The following AAK1 variants were observed in gnomAD, a reference collection of about 807,000 sequenced individuals.
The protein encoded by AAK1 is AP2 associated kinase 1.
AAK1 carries 37 observed loss-of-function variants against 116.0 expected under a neutral mutation model. The observed-to-expected ratio is 0.32, with a 90% CI of 0.25 to 0.42. AAK1 has a LOEUF of 0.42. Ranked by LOEUF, AAK1 falls within the 10% of genes least tolerant of loss-of-function variation. The probability of loss-of-function intolerance (pLI) is 1.00; values close to 1 mark genes in which losing one functional copy is unlikely to be tolerated. For synonymous variants in AAK1, 458 were observed against 439.9 expected, an observed-to-expected ratio of 1.04 and a Z score of -0.51; for missense variants, 919 against 1,170.6, an observed-to-expected ratio of 0.79 and a Z score of 3.14.
intron 16 of AAK1, among the ~76,000 whole-genome samples, chr2:69,502,587 C>T (rs1300533019): frequency 6.6e-6 from 1 of 152,086 alleles, no homozygotes; most frequent in Non-Finnish European, 1.5e-5. Context: ...TGCCATTGCA[C>T]TCCAGCCTGG....
intron 2 of AAK1, among the ~76,000 whole-genome samples, chr2:69,611,155 C>T (rs1390883095): frequency 2.6e-5 from 4 of 152,126 alleles, no homozygotes; most frequent in Non-Finnish European, 4.4e-5. Context: ...TGGTGGACTA[C>T]GAGGGGGAGA....
chr2:69,517,669 G>A (rs945526429), intron 12 of AAK1, among the ~76,000 whole-genome samples: 6 of 151,338 alleles, frequency 4.0e-5, no homozygotes, highest in Admixed American at 1.3e-4. Flanking sequence ...CACGGAAGAC[G>A]GTCAGACACA....
At chr2:69,541,649 A>C (rs1277143836) in intron 5 of AAK1, among the ~76,000 whole-genome samples, 1 of 152,224 alleles carries the variant, frequency 6.6e-6, no homozygotes, top group Non-Finnish European at 1.5e-5. Flanking sequence ...AAACCTTTAG[A>C]GTATACAAAA....
Position 69,474,704 on chromosome 2 carries a change from C to T in AAK1, c.*1165G>A. On this transcript the variant is annotated 3_prime_UTR_variant, in exon 22 of 22. Coordinates refer to ENST00000409085, the MANE Select transcript of AAK1 (RefSeq NM_014911.5). ...TCTGAAAATAAACAACATGCTTATT[C>T]TAGAGACAGAGGACCTGCTGAAAGC... 2 of 985,738 alleles carry T rather than the reference C, an allele frequency of 2.0e-6. No homozygotes were observed. Among genetic ancestry groups the T allele is most frequent in the South Asian group, 4.7e-5 (1 of 21,278 alleles). 61.1% of individuals were successfully genotyped at this position (985,738 alleles called of 1,614,324 possible). A position where few individuals can be genotyped will look rare whatever the true frequency, so the allele number is the denominator to read the frequency against.
intron 17 of AAK1, among the ~76,000 whole-genome samples, chr2:69,486,327 T>G (rs1675300586): frequency 6.6e-6 from 1 of 152,054 alleles, no homozygotes; most frequent in Admixed American, 6.6e-5. Flanking sequence ...AGTACATGAG[T>G]GTACACGTGT....
At position 69,643,718 on chromosome 2, in the gene AAK1, C is replaced by G. The variant is rs1315523250; in HGVS notation, c.-378G>C. 4.9e-6 allele frequency: 6 copies of G among 1,212,228 alleles called. No individual in the cohort carries two copies. The African/African-American group carries it at 9.4e-5, about 19-fold the overall frequency. The allele number at this position is 1,212,228 out of a possible 1,614,324, so 75.1% of individuals were successfully genotyped here. ...GCTCCCGCCCGCCCGCCAGCTGATCCCGGGAGCGCCGGGCGGAGACTGACC... is the reference window on the plus strand; with the variant it reads ...GCTCCCGCCCGCCCGCCAGCTGATCGCGGGAGCGCCGGGCGGAGACTGACC... On this transcript the variant is annotated 5_prime_UTR_variant, in exon 1 of 22. Coordinates refer to ENST00000409085, the MANE Select transcript of AAK1 (RefSeq NM_014911.5).
At chr2:69,612,204 A>T (rs1469258584) in intron 2 of AAK1, among the ~76,000 whole-genome samples, 2 of 151,838 alleles carry the variant, frequency 1.3e-5, no homozygotes, top group African/African-American at 2.4e-5. Context: ...TTCATCTGTT[A>T]GAGAGAAAAA....
chr2:69,588,330 C>A lies in AAK1; in HGVS notation c.164-31352G>T, dbSNP rs545842065. On this transcript the variant is annotated intron_variant, in intron 2 of 21. Coordinates refer to ENST00000409085, the MANE Select transcript of AAK1 (RefSeq NM_014911.5). Reference sequence around the variant, plus strand: ...TAAGGCCCATCAGGTGGGTACCTGACATCACCTGCACCTTCAGAAAAACTC... The same window carrying A: ...TAAGGCCCATCAGGTGGGTACCTGAAATCACCTGCACCTTCAGAAAAACTC... 2.0e-5 allele frequency among the ~76,000 whole-genome samples: 3 copies of A among 152,328 alleles called. No homozygotes were observed. The South Asian group carries it at 6.2e-4, about 32-fold the overall frequency.
Position 69,470,071 on chromosome 2 carries a change from G to A in AAK1, c.*5798C>T. Reference sequence around the variant, plus strand: ...CTGATTGACATAGTGAGGGCCATCAGAATGCTCCCTACAGAATTAAAATCT... The same window carrying A: ...CTGATTGACATAGTGAGGGCCATCAAAATGCTCCCTACAGAATTAAAATCT... On this transcript the variant is annotated 3_prime_UTR_variant, in exon 22 of 22. Coordinates refer to ENST00000409085, the MANE Select transcript of AAK1 (RefSeq NM_014911.5). The A allele has an allele frequency of 1.0e-6, 1 of 985,408 alleles. No homozygotes were observed. The highest frequency in any genetic ancestry group is 1.2e-6 in the Non-Finnish European group (1 of 829,932). The allele number at this position is 985,408 out of a possible 1,614,324, so 61.0% of individuals were successfully genotyped here.
intron 10 of AAK1, among the ~76,000 whole-genome samples, chr2:69,523,104 A>G (rs779188941): frequency 5.9e-5 from 9 of 152,314 alleles, no homozygotes; most frequent in Non-Finnish European, 1.0e-4. Context: ...GTAACTGTCA[A>G]TCTGTTTTAT....
chr2:69,571,588 G>A (rs961098897), intron 2 of AAK1, among the ~76,000 whole-genome samples: 2 of 152,206 alleles, frequency 1.3e-5, no homozygotes, highest in Middle Eastern at 3.4e-3. Context: ...AATAATATGA[G>A]TTTCAATAAT....
intron 17 of AAK1, among the ~76,000 whole-genome samples, chr2:69,485,658 TC>T (rs1250426589): frequency 3.3e-5 from 5 of 150,568 alleles, no homozygotes; most frequent in African/African-American, 1.2e-4. Flanking sequence ...AGAAAATCTC[TC>T]TTTTTTTTTT....
chr2:69,610,227 A>C (rs142398679), intron 2 of AAK1, among the ~76,000 whole-genome samples: 242 of 152,296 alleles, frequency 1.6e-3, no homozygotes, highest in Non-Finnish European at 3.1e-3. Context: ...ATGATTTTTC[A>C]GCAAGCGTGC....
intron 2 of AAK1, among the ~76,000 whole-genome samples, chr2:69,611,244 A>C (rs1250080170): frequency 6.6e-6 from 1 of 152,204 alleles, no homozygotes; most frequent in Admixed American, 6.5e-5. Context: ...GGGGATAAAT[A>C]GCCTGCAGAG....
chr2:69,477,737 A>G (rs1017312617), intron 20 of AAK1, among the ~76,000 whole-genome samples: 2 of 152,242 alleles, frequency 1.3e-5, no homozygotes, highest in Non-Finnish European at 2.9e-5. Context: ...TACATAATCT[A>G]TAAAAACATA....
intron 16 of AAK1, among the ~76,000 whole-genome samples, chr2:69,502,392 C>T (rs981391658): frequency 4.0e-5 from 6 of 151,752 alleles, no homozygotes; most frequent in Non-Finnish European, 7.4e-5. Context: ...GAGGCTGAGG[C>T]GGGAGGATCA....
chr2:69,594,737 A>T, intron 2 of AAK1: 1 of 743,254 alleles, frequency 1.3e-6, no homozygotes, highest in Non-Finnish European at 2.3e-6. Context: ...AGAAAAGGTA[A>T]CACTTAGAAC....
intron 8 of AAK1, 87 bp from the exon 9 acceptor site, chr2:69,527,406 G>A: frequency 1.1e-6 from 1 of 897,594 alleles, no homozygotes; most frequent in Middle Eastern, 2.7e-4. Context: ...TACTCCCAAT[G>A]TTTTGTTTTT....
intron 2 of AAK1, among the ~76,000 whole-genome samples, chr2:69,574,619 T>TA (rs565000686): frequency 0.012 from 1,727 of 149,550 alleles, 35 homozygotes; most frequent in African/African-American, 0.04. Context: ...ATATTTGGCT[T>TA]AAAAAAAAAT....
Sources: gnomAD v4.1 joint callset for allele counts (sites outside exome capture counted in the v4.1 genomes callset) on GRCh38, gnomAD v4.1.1 for gene constraint, MANE v1.5 for transcripts, NCBI Gene and HGNC (gene_info 2026-07-23, HGNC 2026-07-21) for gene names.